NLGN4X: variants seen among roughly 807,000 people sequenced by gnomAD.
The protein encoded by NLGN4X is neuroligin 4 X-linked.
In NLGN4X, 3 loss-of-function variants were observed where a neutral mutation model predicts 40.3. That is an observed-to-expected ratio of 0.07 (90% confidence interval 0.03 to 0.19). NLGN4X has a LOEUF of 0.19. Among genes scored for constraint, NLGN4X ranks in the 10% least tolerant of loss-of-function variants. The probability of loss-of-function intolerance (pLI) is 1.00; values close to 1 mark genes in which losing one functional copy is unlikely to be tolerated. For synonymous variants in NLGN4X, 270 were observed against 306.8 expected (o/e 0.88, Z 1.25); for missense variants, 382 against 708.3 (o/e 0.54, Z 5.23).
intron 1 of NLGN4X, among the ~76,000 whole-genome samples, chrX:6,162,790 G>A (rs772373392): frequency 9.8e-5 from 11 of 111,751 alleles, no homozygotes; most frequent in Admixed American, 2.9e-4. Context: ...ATTATTGCAC[G>A]TGCTATGGTT....
At chrX:6,027,301 A>G (rs1487342979) in intron 3 of NLGN4X, among the ~76,000 whole-genome samples, 1 of 112,461 alleles carries the variant, frequency 8.9e-6, no homozygotes, top group East Asian at 2.8e-4. Flanking sequence ...TCTGAAAACT[A>G]TTCAGTGAAG....
Position 6,226,323 on chromosome X carries a change from G to GA in NLGN4X, c.-306+2217dup, listed in dbSNP as rs369852590. 2.7e-3 allele frequency among the ~76,000 whole-genome samples: 272 copies of GA among 101,988 alleles called. 2 individuals carry two copies. Among genetic ancestry groups the GA allele is most frequent in the Middle Eastern group, 5.1e-3 (1 of 197 alleles). The allele number at this position is 101,988 out of a possible 115,157, so 88.6% of individuals were successfully genotyped here. A position where few individuals can be genotyped will look rare whatever the true frequency, so the allele number is the denominator to read the frequency against. On this transcript the variant is annotated intron_variant, in intron 1 of 5. Coordinates refer to ENST00000381095, the MANE Select transcript of NLGN4X (RefSeq NM_181332.3). ...CAGAGAAAAAGAAACCCGCAGTCCGGAAAAAAAAAAAGCCTTCTGGGGAAG... is the reference window on the plus strand; with the variant it reads ...CAGAGAAAAAGAAACCCGCAGTCCGGAAAAAAAAAAAAGCCTTCTGGGGAAG...
intron 1 of NLGN4X, among the ~76,000 whole-genome samples, chrX:6,218,044 C>T (rs1399474735): frequency 1.8e-5 from 2 of 111,929 alleles, no homozygotes; most frequent in Non-Finnish European, 3.8e-5. Flanking sequence ...CCTGTAATGG[C>T]ATCTACATTA....
At chrX:6,127,135 C>A (rs1284496997) in intron 2 of NLGN4X, among the ~76,000 whole-genome samples, 2 of 111,052 alleles carry the variant, frequency 1.8e-5, no homozygotes, top group Non-Finnish European at 3.8e-5. Context: ...GGGCAGAAGG[C>A]GAGTAAGGCC....
At chrX:5,986,264 T>C (rs992291245) in intron 3 of NLGN4X, among the ~76,000 whole-genome samples, 3 of 112,165 alleles carry the variant, frequency 2.7e-5, no homozygotes, top group Non-Finnish European at 3.8e-5. Context: ...CGGATTATTA[T>C]AAAATCATGA....
At chrX:6,051,378 G>A (rs1445384723) in intron 2 of NLGN4X, among the ~76,000 whole-genome samples, 1 of 111,671 alleles carries the variant, frequency 9.0e-6, no homozygotes, top group Non-Finnish European at 1.9e-5. Context: ...GGTCTTTGCA[G>A]ATGTGATCAC....
At chrX:6,143,669 A>G (rs1179819365) in intron 2 of NLGN4X, among the ~76,000 whole-genome samples, 1 of 112,043 alleles carries the variant, frequency 8.9e-6, no homozygotes, top group Non-Finnish European at 1.9e-5. Context: ...ATGAGGCTAT[A>G]TTAACATGAT....
intron 2 of NLGN4X, among the ~76,000 whole-genome samples, chrX:6,043,928 T>G (rs754876890): frequency 4.5e-5 from 5 of 110,512 alleles, no homozygotes; most frequent in Non-Finnish European, 7.6e-5. Context: ...TCTTTTGAAC[T>G]TAGCCAATTC....
chrX:5,999,406 T>C (rs980121128), intron 3 of NLGN4X, among the ~76,000 whole-genome samples: 4 of 112,593 alleles, frequency 3.6e-5, no homozygotes, highest in Admixed American at 1.9e-4. Context: ...TTTAAACATA[T>C]TTTGAAAGCT....
Position 6,051,687 on chromosome X carries a change from CTGT to C in NLGN4X, c.473-22258_473-22256del, listed in dbSNP as rs1405782588. ...TCCAGAACCGGGAGAGAATATATTT[CTGT>C]TGTTGTAAGTCACCCAGTTTACACC... On this transcript the variant is annotated intron_variant, in intron 2 of 5. Transcript: ENST00000381095. Among the ~76,000 whole-genome samples, 14 of 110,994 alleles carry C rather than the reference CTGT, an allele frequency of 1.3e-4. No individual in the cohort carries two copies. In the East Asian group the frequency reaches 3.4e-3, roughly 27 times the overall value.
Position 5,890,472 on chromosome X carries a change from A to T in NLGN4X, c.*2345T>A. The T allele has an allele frequency of 3.4e-6, 1 of 289,943 alleles. No individual in the cohort carries two copies. Among genetic ancestry groups the T allele is most frequent in the Non-Finnish European group, 6.5e-6 (1 of 152,975 alleles). The allele number at this position is 289,943 out of a possible 1,213,427, so 23.9% of individuals were successfully genotyped here. A position where few individuals can be genotyped will look rare whatever the true frequency, so the allele number is the denominator to read the frequency against. On this transcript the variant is annotated 3_prime_UTR_variant, in exon 6 of 6. Transcript: ENST00000381095. ...TGTCACAAGCCTGACGCGTTACTGT[A>T]CATATTGCTAGCAGGAGACAACTGG...
intron 2 of NLGN4X, among the ~76,000 whole-genome samples, chrX:6,115,355 T>C (rs1037890777): frequency 8.9e-6 from 1 of 112,093 alleles, no homozygotes; most frequent in African/African-American, 3.3e-5. Context: ...GCATCCTTTT[T>C]AGAAGGAACA....
intron 5 of NLGN4X, among the ~76,000 whole-genome samples, chrX:5,899,985 G>A (rs1189325484): frequency 8.9e-6 from 1 of 112,160 alleles, no homozygotes; most frequent in African/African-American, 3.2e-5. Context: ...CCAATGTAGC[G>A]AAGATTGAAT....
intron 3 of NLGN4X, among the ~76,000 whole-genome samples, chrX:5,993,580 A>C (rs1216744386): frequency 2.7e-5 from 3 of 112,009 alleles, no homozygotes; most frequent in Non-Finnish European, 5.6e-5. Context: ...TAAATCAAGA[A>C]GTGTGTCTAC....
At chrX:5,950,379 T>C (rs962486014) in intron 3 of NLGN4X, among the ~76,000 whole-genome samples, 2 of 112,392 alleles carry the variant, frequency 1.8e-5, no homozygotes, top group African/African-American at 6.5e-5. Flanking sequence ...ACATTAAATG[T>C]ATTTTTAAAA....
intron 1 of NLGN4X, chrX:6,187,569 C>G (rs1356244197): frequency 8.9e-6 from 1 of 112,331 alleles, no homozygotes; most frequent in Non-Finnish European, 1.9e-5. Context: ...GGCGAAGGTC[C>G]CAGGCGAAGT....
intron 2 of NLGN4X, among the ~76,000 whole-genome samples, chrX:6,123,912 C>G (rs1462934111): frequency 9.3e-6 from 1 of 107,164 alleles, no homozygotes. Context: ...GAAGTGAAAT[C>G]TATAATAATG....
At chrX:6,032,298 C>T (rs1299854458) in intron 2 of NLGN4X, among the ~76,000 whole-genome samples, 2 of 90,860 alleles carry the variant, frequency 2.2e-5, no homozygotes, top group Non-Finnish European at 4.2e-5. Context: ...ATTAAGAAGA[C>T]CAAAGCTCCA....
chrX:6,165,711 A>G (rs2040482210), intron 1 of NLGN4X, among the ~76,000 whole-genome samples: 1 of 111,752 alleles, frequency 8.9e-6, no homozygotes, highest in Admixed American at 9.5e-5. Context: ...GGTTTTTTAA[A>G]GAAAACAGAG....
Sources: gnomAD v4.1 joint callset for allele counts (sites outside exome capture counted in the v4.1 genomes callset) on GRCh38, gnomAD v4.1.1 for gene constraint, MANE v1.5 for transcripts, NCBI Gene and HGNC (gene_info 2026-07-23, HGNC 2026-07-21) for gene names.